Variants in SLC4A10 observed in about 807,000 individuals in gnomAD.
SLC4A10 encodes the protein sodium-driven chloride bicarbonate exchanger.
SLC4A10 carries 42 observed loss-of-function variants against 137.7 expected under a neutral mutation model. That is an observed-to-expected ratio of 0.30 (90% CI 0.24 to 0.39). SLC4A10 has a LOEUF of 0.39. Among genes scored for constraint, SLC4A10 ranks in the 10% least tolerant of loss-of-function variants. The probability of loss-of-function intolerance (pLI) is 1.00; values close to 1 mark genes in which losing one functional copy is unlikely to be tolerated. For synonymous variants in SLC4A10, 474 were observed against 464.1 expected (o/e 1.02, Z -0.27); for missense variants, 925 against 1,355.0 (o/e 0.68, Z 4.98).
chr2:161,737,173 A>G (rs1242993105), intron 1 of SLC4A10, among the ~76,000 whole-genome samples: 1 of 152,118 alleles, frequency 6.6e-6, no homozygotes, highest in East Asian at 1.9e-4. Flanking sequence ...TTTCTCTATA[A>G]ATGTAAATTT....
At position 161,815,062 on chromosome 2, in the gene SLC4A10, C is replaced by A. The variant is rs2056916042; in HGVS notation, c.277+10467C>A. On this transcript the variant is annotated intron_variant, in intron 3 of 26. Coordinates refer to ENST00000446997, the MANE Select transcript of SLC4A10 (RefSeq NM_001178015.2). Reference sequence around the variant, plus strand: ...AAATTTCTACTTCAAAGTATAAAGCCAACAATATTAGCATTAAATTTAAAC... The same window carrying A: ...AAATTTCTACTTCAAAGTATAAAGCAAACAATATTAGCATTAAATTTAAAC... Among the ~76,000 whole-genome samples the A allele has an allele frequency of 2.0e-5, 3 of 151,730 alleles. No individual in the cohort carries two copies. The South Asian group carries it at 6.3e-4, about 32-fold the overall frequency.
intron 1 of SLC4A10, among the ~76,000 whole-genome samples, chr2:161,770,039 C>CT: frequency 6.6e-6 from 1 of 151,738 alleles, no homozygotes; most frequent in East Asian, 1.9e-4. Context: ...AAACAAAAAC[C>CT]TTTTTTCTAC....
At chr2:161,710,462 G>A (rs2044155395) in intron 1 of SLC4A10, among the ~76,000 whole-genome samples, 1 of 151,644 alleles carries the variant, frequency 6.6e-6, no homozygotes, top group Non-Finnish European at 1.5e-5. Context: ...CGATAATTTT[G>A]TAAGGTGGAA....
At chr2:161,717,781 TG>T (rs1202760181) in intron 1 of SLC4A10, among the ~76,000 whole-genome samples, 1 of 152,174 alleles carries the variant, frequency 6.6e-6, no homozygotes, top group African/African-American at 2.4e-5. Flanking sequence ...TCCCAGGTTT[TG>T]GTGTGAGGAT....
At position 161,965,084 on chromosome 2, in the gene SLC4A10, G is replaced by T; in HGVS notation, c.3070G>T (p.Asp1024Tyr). 6.2e-7 allele frequency: 1 copy of T among 1,612,492 alleles called. No homozygotes were observed. The highest frequency in any genetic ancestry group is 1.1e-5 in the South Asian group (1 of 90,980). ...CCTGGTATTTGTAAGAAAGTTGATG[G>T]ACTTGTTGTTCACGAAGCGGGAACT... Reference protein sequence around the residue: ...LALVFVRKLMDLLFTKRELSW... With the variant: ...LALVFVRKLMYLLFTKRELSW... The change falls in exon 23 of 27, where the codon GAC (aspartate) becomes TAC (tyrosine). Residue 1024 changes from aspartate (D) to tyrosine (Y), a missense_variant. This residue lies in a region of SLC4A10 where 115 missense variants were observed against 237.5 expected (regional missense o/e 0.48). Transcript: ENST00000446997.
At chr2:161,959,686 A>G (rs1167963024) in intron 21 of SLC4A10, among the ~76,000 whole-genome samples, 1 of 152,190 alleles carries the variant, frequency 6.6e-6, no homozygotes, top group African/African-American at 2.4e-5. Flanking sequence ...TTAGTCTTCA[A>G]AGTCATACAT....
At chr2:161,905,291 A>G (rs1335696850) in intron 14 of SLC4A10, among the ~76,000 whole-genome samples, 2 of 152,192 alleles carry the variant, frequency 1.3e-5, no homozygotes, top group Admixed American at 6.5e-5. Flanking sequence ...ATCATCAGGC[A>G]TTAGATTCTC....
intron 11 of SLC4A10, among the ~76,000 whole-genome samples, chr2:161,895,350 G>C (rs943308604): frequency 9.2e-5 from 14 of 152,044 alleles, no homozygotes; most frequent in Non-Finnish European, 1.3e-4. Context: ...CTTTGCTATT[G>C]TGAATAGTGC....
intron 6 of SLC4A10, among the ~76,000 whole-genome samples, chr2:161,868,891 T>A (rs1373872601): frequency 1.3e-5 from 2 of 151,658 alleles, no homozygotes; most frequent in African/African-American, 4.8e-5. Context: ...GCCTCAAAAT[T>A]TTCTAGGTAT....
At chr2:161,818,617 T>C (rs565870793) in intron 3 of SLC4A10, among the ~76,000 whole-genome samples, 1 of 152,316 alleles carries the variant, frequency 6.6e-6, no homozygotes, top group South Asian at 2.1e-4. Flanking sequence ...TGTGGGTTTG[T>C]CATAGATAGC....
Position 161,849,693 on chromosome 2 carries a change from T to C in SLC4A10, c.417-5277T>C, listed in dbSNP as rs1328471673. On this transcript the variant is annotated intron_variant, in intron 4 of 26. Coordinates refer to ENST00000446997, the MANE Select transcript of SLC4A10 (RefSeq NM_001178015.2). ...TTTGTTTTTAGTTCTGTTTATGTAA[T>C]AAATAACATTTATTGATTTGCATAT... 3.9e-5 allele frequency among the ~76,000 whole-genome samples: 6 copies of C among 152,320 alleles called. No individual in the cohort carries two copies. In the East Asian group the frequency reaches 1.2e-3, roughly 29 times the overall value.
intron 1 of SLC4A10, among the ~76,000 whole-genome samples, chr2:161,657,111 G>A (rs962201593): frequency 1.6e-4 from 9 of 57,606 alleles, no homozygotes; most frequent in Non-Finnish European, 3.5e-4. Context: ...CGACAAATTT[G>A]CAGCATTTTA....
chr2:161,791,332 T>C (rs2054186445), intron 2 of SLC4A10, among the ~76,000 whole-genome samples: 1 of 152,168 alleles, frequency 6.6e-6, no homozygotes, highest in Non-Finnish European at 1.5e-5. Context: ...TGGATGGAAC[T>C]GGAAGCCATT....
At chr2:161,651,862 G>A (rs1312325704) in intron 1 of SLC4A10, among the ~76,000 whole-genome samples, 1 of 152,180 alleles carries the variant, frequency 6.6e-6, no homozygotes, top group Non-Finnish European at 1.5e-5. Flanking sequence ...TGCGCAAGCC[G>A]AGTGCACCTG....
chr2:161,782,074 A>T (rs1024550113), intron 2 of SLC4A10, among the ~76,000 whole-genome samples: 2 of 152,074 alleles, frequency 1.3e-5, no homozygotes, highest in African/African-American at 4.8e-5. Context: ...ATGGTGGCTT[A>T]GATTGGTAGC....
At chr2:161,700,566 T>C (rs1046789821) in intron 1 of SLC4A10, among the ~76,000 whole-genome samples, 1 of 152,168 alleles carries the variant, frequency 6.6e-6, no homozygotes, top group African/African-American at 2.4e-5. Flanking sequence ...ATATCATTTA[T>C]TGAACTTATA....
At chr2:161,789,842 G>T (rs1226738282) in intron 2 of SLC4A10, among the ~76,000 whole-genome samples, 1 of 152,172 alleles carries the variant, frequency 6.6e-6, no homozygotes, top group Non-Finnish European at 1.5e-5. Flanking sequence ...TGGCAAATAT[G>T]ATGTGGATAA....
chr2:161,798,735 T>G (rs2055051113), intron 2 of SLC4A10, among the ~76,000 whole-genome samples: 2 of 151,482 alleles, frequency 1.3e-5, no homozygotes, highest in East Asian at 3.9e-4. Context: ...CCTTGACATT[T>G]TTCTGTGACT....
At chr2:161,871,284 G>A (rs191230357) in intron 6 of SLC4A10, among the ~76,000 whole-genome samples, 2 of 151,950 alleles carry the variant, frequency 1.3e-5, no homozygotes, top group Admixed American at 1.3e-4. Context: ...GCCAGACAGA[G>A]AGAGTATTTC....
Sources: allele counts gnomAD v4.1 joint callset (sites outside exome capture counted in the v4.1 genomes callset), GRCh38; gene constraint gnomAD v4.1.1; regional missense constraint gnomAD v4.1.1; transcripts MANE v1.5; gene names NCBI Gene and HGNC (gene_info 2026-07-23, HGNC 2026-07-21).